RNF130: variants seen among roughly 807,000 people sequenced by gnomAD.
RNF130 encodes the protein ring finger protein 130, also known as E3 ubiquitin-protein ligase RNF130.
RNF130 carries 21 observed loss-of-function variants against 44.6 expected under a neutral mutation model. That is an observed-to-expected ratio of 0.47 (90% confidence interval 0.33 to 0.68). The LOEUF (loss-of-function observed/expected upper bound fraction) is 0.68. RNF130 is among the 30% of genes least tolerant of loss of function. The pLI is 0.02. For missense variants in RNF130, 479 were observed against 560.6 expected (o/e 0.85, Z 1.47); for synonymous variants, 214 against 210.4 (o/e 1.02, Z -0.15).
At chr5:180,009,076 T>G (rs545596684) in intron 3 of RNF130, among the ~76,000 whole-genome samples, 48 of 152,282 alleles carry the variant, frequency 3.2e-4, no homozygotes, top group African/African-American at 1.1e-3. Context: ...TTATAGCACT[T>G]AATTCTTACA....
intron 7 of RNF130, among the ~76,000 whole-genome samples, chr5:179,948,665 ACT>A (rs901636431): frequency 1.3e-5 from 2 of 152,056 alleles, no homozygotes; most frequent in Non-Finnish European, 1.5e-5. Context: ...ATAGAGCGAG[ACT>A]CTGTCTCAAA....
At chr5:179,931,021 A>C (rs1761799787) in intron 7 of RNF130, among the ~76,000 whole-genome samples, 1 of 146,024 alleles carries the variant, frequency 6.8e-6, no homozygotes, top group African/African-American at 2.6e-5. Context: ...CTGCAGACCA[A>C]ACCTCTGTCT....
At chr5:180,056,296 G>A (rs1174352632) in intron 1 of RNF130, among the ~76,000 whole-genome samples, 1 of 151,934 alleles carries the variant, frequency 6.6e-6, no homozygotes, top group Non-Finnish European at 1.5e-5. Flanking sequence ...ACATTTATGA[G>A]TTTAATGCAT....
intron 2 of RNF130, among the ~76,000 whole-genome samples, chr5:180,020,794 G>C (rs374394868): frequency 2.0e-5 from 3 of 152,174 alleles, no homozygotes; most frequent in East Asian, 3.9e-4. Flanking sequence ...AGAGGCAGAA[G>C]GGGGGTGGGC....
intron 3 of RNF130, among the ~76,000 whole-genome samples, chr5:179,988,457 C>G (rs1368268877): frequency 6.6e-6 from 1 of 152,038 alleles, no homozygotes; most frequent in Non-Finnish European, 1.5e-5. Flanking sequence ...TTGGTTTATT[C>G]TTGCTTTTCC....
At chr5:180,054,298 A>C (rs951172351) in intron 1 of RNF130, among the ~76,000 whole-genome samples, 1 of 152,122 alleles carries the variant, frequency 6.6e-6, no homozygotes, top group Non-Finnish European at 1.5e-5. Flanking sequence ...AAAATGATAC[A>C]ATCGCTTTCT....
At chr5:180,020,451 A>G (rs1174178031) in intron 2 of RNF130, among the ~76,000 whole-genome samples, 3 of 152,138 alleles carry the variant, frequency 2.0e-5, no homozygotes, top group African/African-American at 7.2e-5. Context: ...CACAGCAAAG[A>G]CCAACCTGTA....
At chr5:179,992,154 T>A (rs1561683530) in intron 3 of RNF130, among the ~76,000 whole-genome samples, 2 of 152,222 alleles carry the variant, frequency 1.3e-5, no homozygotes, top group Non-Finnish European at 2.9e-5. Context: ...TTTTGCTTTT[T>A]GTTTTGAGAT....
At chr5:179,925,411 T>C (rs573130045) in intron 7 of RNF130, among the ~76,000 whole-genome samples, 27 of 152,346 alleles carry the variant, frequency 1.8e-4, no homozygotes, top group African/African-American at 6.0e-4. Context: ...AACTCCAAGC[T>C]GCTTCTCACA....
downstream of RNF130, among the ~76,000 whole-genome samples, chr5:179,952,361 A>G (rs2113690125): frequency 6.6e-6 from 1 of 152,328 alleles, no homozygotes; most frequent in Admixed American, 6.5e-5. Flanking sequence ...GTGAGGAGAT[A>G]ATGAGTTGGT....
intron 7 of RNF130, chr5:179,934,251 T>G (rs1761855477): frequency 6.2e-6 from 1 of 160,104 alleles, no homozygotes; most frequent in Non-Finnish European, 1.4e-5. Flanking sequence ...AGTATACGGT[T>G]CAGTCGTGGT....
chr5:179,990,954 T>C (rs1205570697), intron 3 of RNF130, among the ~76,000 whole-genome samples: 2 of 152,260 alleles, frequency 1.3e-5, no homozygotes, highest in African/African-American at 2.4e-5. Context: ...CTTGTTATTT[T>C]ATAATATTGG....
downstream of RNF130, among the ~76,000 whole-genome samples, chr5:179,953,161 A>G (rs1282170779): frequency 2.6e-5 from 4 of 152,232 alleles, no homozygotes; most frequent in Non-Finnish European, 5.9e-5. Flanking sequence ...TAAAAGATCA[A>G]TGTAGAAAAA....
intron 2 of RNF130, among the ~76,000 whole-genome samples, chr5:180,037,789 T>C (rs2113134599): frequency 6.6e-6 from 1 of 152,330 alleles, no homozygotes; most frequent in South Asian, 2.1e-4. Context: ...TCCAAAGTAT[T>C]GTTCCAATTT....
chr5:179,983,928 T>C (rs540344349), intron 3 of RNF130, among the ~76,000 whole-genome samples: 1 of 152,222 alleles, frequency 6.6e-6, no homozygotes, highest in Admixed American at 6.5e-5. Flanking sequence ...AATTTAACTT[T>C]CTTAGAGATA....
downstream of RNF130, among the ~76,000 whole-genome samples, chr5:179,950,161 G>A (rs1057349418): frequency 3.3e-5 from 5 of 151,966 alleles, no homozygotes; most frequent in African/African-American, 1.2e-4. Context: ...CCTGGGTGAT[G>A]GAGTGAAATG....
chr5:179,921,339 T>C (rs1012071534), intron 7 of RNF130, among the ~76,000 whole-genome samples: 1 of 152,244 alleles, frequency 6.6e-6, no homozygotes, highest in Non-Finnish European at 1.5e-5. Context: ...GAATTTTATA[T>C]AAGTAGAATT....
At chr5:180,017,034 T>A (rs1763753951) in intron 2 of RNF130, among the ~76,000 whole-genome samples, 1 of 152,222 alleles carries the variant, frequency 6.6e-6, no homozygotes, top group Non-Finnish European at 1.5e-5. Context: ...TTTAGTTTTG[T>A]GTCCAGGATT....
At chr5:180,019,189 CCTGA>C (rs33940528) in intron 2 of RNF130, among the ~76,000 whole-genome samples, 101,298 of 151,132 alleles carry the variant, frequency 0.67, 34,234 homozygotes, top group African/African-American at 0.75. Flanking sequence ...TCAAAACCAT[CCTGA>C]CTAACACGGT....
Sources: gnomAD v4.1 joint callset for allele counts (sites outside exome capture counted in the v4.1 genomes callset) on GRCh38, gnomAD v4.1.1 for gene constraint, MANE v1.5 for transcripts, NCBI Gene and HGNC (gene_info 2026-07-23, HGNC 2026-07-21) for gene names.